Variants in DBF4 observed in about 807,000 individuals in gnomAD.
The protein encoded by DBF4 is DBF4-CDC7 kinase regulatory subunit, also known as protein DBF4 homolog A.
Under a neutral mutation model 76.6 loss-of-function variants are expected in DBF4, and 25 were observed. That is an observed-to-expected ratio of 0.33 (90% CI 0.24 to 0.46). The LOEUF is 0.46. Ranked by LOEUF, DBF4 falls within the 20% of genes least tolerant of loss-of-function variation. The pLI is 1.00. For synonymous variants in DBF4, 213 were observed against 258.0 expected (o/e 0.83, Z 1.67); for missense variants, 638 against 760.8 (o/e 0.84, Z 1.90).
chr7:87,876,961 G>T (rs1384609048), intron 1 of DBF4, among the ~76,000 whole-genome samples, 183 bp downstream of exon 1: 2 of 152,168 alleles, frequency 1.3e-5, no homozygotes, highest in East Asian at 3.8e-4. Flanking sequence ...TCCTGACCCG[G>T]CCCCTCGAGC....
intron 6 of DBF4, among the ~76,000 whole-genome samples, chr7:87,890,827 G>C (rs935000646): frequency 1.3e-5 from 2 of 152,030 alleles, no homozygotes; most frequent in Admixed American, 1.3e-4. Context: ...AGATAAAATA[G>C]CTATGAAACA....
rs1019197674 is a variant in DBF4, at chr7:87,876,620, G to A, written c.-113G>A. 7 of 1,215,428 alleles carry A rather than the reference G, an allele frequency of 5.8e-6. No individual in the cohort carries two copies. The Admixed American group carries it at 1.1e-4, about 19-fold the overall frequency. The allele number at this position is 1,215,428 out of a possible 1,614,324, so 75.3% of individuals were successfully genotyped here. A position where few individuals can be genotyped will look rare whatever the true frequency, so the allele number is the denominator to read the frequency against. On this transcript the variant is annotated 5_prime_UTR_variant, in exon 1 of 12. Transcript: ENST00000265728. ...CCTCTACTGCGTAGAGGCCGTAGCTGGCGGAAGGAGAGAGGCGGCCGTCCT... is the reference window on the plus strand; with the variant it reads ...CCTCTACTGCGTAGAGGCCGTAGCTAGCGGAAGGAGAGAGGCGGCCGTCCT...
chr7:87,888,445 C>A, intron 6 of DBF4: 1 of 507,654 alleles, frequency 2.0e-6, no homozygotes, highest in Non-Finnish European at 2.5e-6. Context: ...AACAAAATCT[C>A]GTTTTAGCAT....
Position 87,907,713 on chromosome 7 carries a change from A to T in DBF4, c.1575A>T (p.Ser525=), listed in dbSNP as rs773513244. The part of the protein sequence containing the change: ...AKDLKEKDLH[S]IFTHDSGLIT... ...ATCTCAAGGAAAAGGACCTTCATTC[A>T]ATATTTACTCATGATTCTGGTCTGA... is the stretch of plus-strand genomic sequence containing the variant. Residue 525 remains serine, a synonymous_variant, in exon 12 of 12, where the codon TCA becomes TCT. Transcript: ENST00000265728. 6.2e-7 allele frequency: 1 copy of T among 1,613,962 alleles called. No homozygotes were observed. The highest frequency in any genetic ancestry group is 1.3e-5 in the African/African-American group (1 of 74,914).
At chr7:87,889,165 G>A (rs1839428996) in intron 6 of DBF4, among the ~76,000 whole-genome samples, 1 of 152,118 alleles carries the variant, frequency 6.6e-6, no homozygotes, top group Non-Finnish European at 1.5e-5. Flanking sequence ...ATTATGGAAA[G>A]ATTATAAATA....
rs76583794 is a variant in DBF4, at chr7:87,878,534, T to G, written c.219+309T>G. On this transcript the variant is annotated intron_variant, in intron 2 of 11. Coordinates refer to ENST00000265728, the MANE Select transcript of DBF4 (RefSeq NM_006716.4). ...TGTCCTCCAGATAACAGCAATTTCT[T>G]GATTATGAATCTTGGGGAGCTACAT... 6.9e-3 allele frequency: 1,463 copies of G among 212,350 alleles called. 18 individuals carry two copies. Among genetic ancestry groups the G allele is most frequent in the East Asian group, 0.06 (557 of 9,316 alleles). The allele number at this position is 212,350 out of a possible 1,614,324, so 13.2% of individuals were successfully genotyped here.
chr7:87,881,238 C>T (rs1205402146), intron 2 of DBF4, among the ~76,000 whole-genome samples: 3 of 152,070 alleles, frequency 2.0e-5, no homozygotes. Context: ...GAAACCCCAT[C>T]TCTACTAAAA....
At position 87,887,333 on chromosome 7, in the gene DBF4, T is replaced by G. The variant is rs1301119690; in HGVS notation, c.455T>G (p.Phe152Cys). The change falls in exon 5 of 12, where the codon TTT becomes TGT. Residue 152 changes from phenylalanine (F) to cysteine (C), a missense_variant. By Grantham distance (205) the Phe-to-Cys change is radical. Coordinates refer to ENST00000265728, the MANE Select transcript of DBF4 (RefSeq NM_006716.4). ...LVEKAIKDHD[F>C]IPSNSILSNA... is the part of the protein sequence containing the mutation. ...ATAAAACTTTTTTTTTTACAGGATT[T>G]TATTCCTTCAAATAGTATATTATCA... is the stretch of plus-strand genomic sequence containing the variant. The G allele has an allele frequency of 6.5e-7, 1 of 1,534,044 alleles. No individual in the cohort carries two copies. The highest frequency in any genetic ancestry group is 8.9e-7 in the Non-Finnish European group (1 of 1,125,394).
At chr7:87,895,018 G>A (rs925350935) in intron 6 of DBF4, among the ~76,000 whole-genome samples, 3 of 152,016 alleles carry the variant, frequency 2.0e-5, no homozygotes, top group African/African-American at 7.2e-5. Flanking sequence ...ACATCTTGAT[G>A]TTATTCCACA....
chr7:87,892,721 G>A (rs764708336), intron 6 of DBF4, among the ~76,000 whole-genome samples: 50 of 152,124 alleles, frequency 3.3e-4, no homozygotes, highest in Non-Finnish European at 6.8e-4. Context: ...GAGAGTTCCT[G>A]TTGCTGATAG....
At chr7:87,881,412 AAAAAT>A (rs1363811165) in intron 2 of DBF4, among the ~76,000 whole-genome samples, 17 of 152,236 alleles carry the variant, frequency 1.1e-4, no homozygotes, top group Admixed American at 5.2e-4. Flanking sequence ...GTCTCAAAAG[AAAAAT>A]AAAATAAAAA....
chr7:87,900,048 A>G (rs1042672661), intron 8 of DBF4, among the ~76,000 whole-genome samples, 173 bp from the exon 9 acceptor site: 4 of 152,148 alleles, frequency 2.6e-5, no homozygotes, highest in African/African-American at 9.7e-5. Flanking sequence ...CACAATTTAA[A>G]AAATGTTTAA....
In DBF4 at chr7:87,880,318, C is replaced by G. The variant is rs1304310620; in HGVS notation, c.219+2093C>G. On this transcript the variant is annotated intron_variant, in intron 2 of 11. Transcript: ENST00000265728. ...GACCTTTTGGTTTTACATACTTAGT[C>G]TTTACCCCTGAAATGATTGAAGTAG... Among the ~76,000 whole-genome samples the G allele has an allele frequency of 2.6e-5, 4 of 152,170 alleles. No homozygotes were observed. In the East Asian group the frequency reaches 5.8e-4, roughly 22 times the overall value.
chr7:87,890,577 A>T (rs1206250204), intron 6 of DBF4, among the ~76,000 whole-genome samples: 1 of 152,186 alleles, frequency 6.6e-6, no homozygotes, highest in Non-Finnish European at 1.5e-5. Flanking sequence ...GCATTCTGGG[A>T]TGTTATGTCA....
rs1235537701 is a variant in DBF4 at position 87,876,790 on chromosome 7, C to T, written c.46+12C>T. ...AGGACATTTCCAGGGTAAGAAGCCC[C>T]TCCTCCGCCTGCAGTCCCTTTAATC... On this transcript the variant is annotated intron_variant, in intron 1 of 11. Transcript: ENST00000265728. The T allele has an allele frequency of 4.3e-6, 7 of 1,614,048 alleles. No individual in the cohort carries two copies. Among genetic ancestry groups the T allele is most frequent in the South Asian group, 3.3e-5 (3 of 91,076 alleles).
intron 8 of DBF4, among the ~76,000 whole-genome samples, chr7:87,899,072 C>T (rs548574715): frequency 1.1e-4 from 16 of 152,140 alleles, no homozygotes; most frequent in Non-Finnish European, 1.9e-4. Context: ...ACTCCTACCT[C>T]ACATCATGTT....
In DBF4 at chr7:87,876,605, G is replaced by C. The variant is rs534690849; in HGVS notation, c.-128G>C. On this transcript the variant is annotated 5_prime_UTR_variant, in exon 1 of 12. Transcript: ENST00000265728. ...CCTGCAGACGCGGTACCTCTACTGCGTAGAGGCCGTAGCTGGCGGAAGGAG... is the reference window on the plus strand; with the variant it reads ...CCTGCAGACGCGGTACCTCTACTGCCTAGAGGCCGTAGCTGGCGGAAGGAG... 2 of 1,060,748 alleles carry C rather than the reference G, an allele frequency of 1.9e-6. No homozygotes were observed. Among genetic ancestry groups the C allele is most frequent in the East Asian group, 2.5e-5 (1 of 39,462 alleles). The allele number at this position is 1,060,748 out of a possible 1,614,324, so 65.7% of individuals were successfully genotyped here. A position where few individuals can be genotyped will look rare whatever the true frequency, so the allele number is the denominator to read the frequency against.
chr7:87,885,674 CTGTT>C lies in DBF4; in HGVS notation c.399+522_399+525del, dbSNP rs368085881. 2.9e-3 allele frequency among the ~76,000 whole-genome samples: 441 copies of C among 152,282 alleles called. 4 individuals are homozygous for C. Among genetic ancestry groups the C allele is most frequent in the African/African-American group, 0.01 (418 of 41,556 alleles). On this transcript the variant is annotated intron_variant, in intron 3 of 11. Transcript: ENST00000265728. ...ATGTTTTATTGGAACACAGCCATAC[CTGTT>C]TGTTTAGGTATAATCTGTAGTTGTT...
intron 3 of DBF4, among the ~76,000 whole-genome samples, chr7:87,886,570 A>T (rs1310989071): frequency 4.0e-5 from 6 of 151,092 alleles, no homozygotes; most frequent in African/African-American, 1.2e-4. Flanking sequence ...GTGAAATAAC[A>T]TGTGAAAACA....
Sources: allele counts gnomAD v4.1 joint callset (sites outside exome capture counted in the v4.1 genomes callset), GRCh38; gene constraint gnomAD v4.1.1; transcripts MANE v1.5; gene names NCBI Gene and HGNC (gene_info 2026-07-23, HGNC 2026-07-21).